Variants in OPHN1 observed in about 807,000 individuals in gnomAD.
The protein encoded by OPHN1 is oligophrenin 1.
Under a neutral mutation model 60.7 loss-of-function variants are expected in OPHN1, and 11 were observed. That is an observed-to-expected ratio of 0.18 (90% CI 0.11 to 0.30). OPHN1 has a LOEUF of 0.30. Ranked by LOEUF, OPHN1 falls within the 10% of genes least tolerant of loss-of-function variation. OPHN1 has a pLI of 1.00. For missense variants in OPHN1, 449 were observed against 611.0 expected (o/e 0.73, Z 2.80); for synonymous variants, 226 against 222.6 (o/e 1.02, Z -0.14).
At chrX:68,310,691 A>T (rs2078168747) in intron 2 of OPHN1, among the ~76,000 whole-genome samples, 1 of 111,947 alleles carries the variant, frequency 8.9e-6, no homozygotes, top group Non-Finnish European at 1.9e-5. Flanking sequence ...ATTAGAATCC[A>T]TATACCAGTC....
chrX:68,211,284 C>T (rs771332855), intron 8 of OPHN1, among the ~76,000 whole-genome samples: 1 of 112,424 alleles, frequency 8.9e-6, no homozygotes, highest in South Asian at 3.7e-4. Flanking sequence ...CAATTTAACA[C>T]CCATTCTAAA....
At chrX:68,224,464 C>T (rs1301207494) in intron 6 of OPHN1, among the ~76,000 whole-genome samples, 2 of 110,239 alleles carry the variant, frequency 1.8e-5, no homozygotes, top group African/African-American at 6.6e-5. Flanking sequence ...TTGAAACTCG[C>T]CTGGGCAACA....
chrX:68,215,886 A>G (rs993456560), intron 6 of OPHN1, among the ~76,000 whole-genome samples: 3 of 111,874 alleles, frequency 2.7e-5, no homozygotes, highest in East Asian at 2.8e-4. Context: ...GATCTCCAGT[A>G]GAAGAAAAAT....
chrX:68,138,190 G>C (rs2077228852), intron 15 of OPHN1, among the ~76,000 whole-genome samples: 1 of 112,051 alleles, frequency 8.9e-6, no homozygotes, highest in Admixed American at 9.5e-5. Context: ...CCATAGATGT[G>C]TTAAGTGGAA....
chrX:68,103,050 A>G (rs1198721151), intron 18 of OPHN1, among the ~76,000 whole-genome samples: 1 of 112,081 alleles, frequency 8.9e-6, no homozygotes. Context: ...TCCTGATACC[A>G]AAACCTGGCA....
intron 2 of OPHN1, among the ~76,000 whole-genome samples, chrX:68,376,673 C>T (rs1016954474): frequency 9.0e-6 from 1 of 111,063 alleles, no homozygotes; most frequent in East Asian, 2.9e-4. Context: ...TGAAGGCTGC[C>T]TTGGCCACCA....
chrX:68,229,338 C>T (rs1345426922), intron 6 of OPHN1, among the ~76,000 whole-genome samples: 1 of 111,773 alleles, frequency 8.9e-6, no homozygotes. Context: ...CCATACTGCT[C>T]AAGGTAATTT....
At chrX:68,390,008 C>T (rs1238802079) in intron 2 of OPHN1, among the ~76,000 whole-genome samples, 1 of 111,174 alleles carries the variant, frequency 9.0e-6, no homozygotes, top group Non-Finnish European at 1.9e-5. Flanking sequence ...GCAAACACGT[C>T]CTTCTTAACA....
At chrX:68,407,061 G>C (rs1327699937) in intron 2 of OPHN1, among the ~76,000 whole-genome samples, 1 of 111,787 alleles carries the variant, frequency 8.9e-6, no homozygotes, top group Non-Finnish European at 1.9e-5. Flanking sequence ...AAAATTAGCC[G>C]GGCGTAGTGG....
chrX:68,118,265 C>T (rs1429162998), intron 16 of OPHN1, among the ~76,000 whole-genome samples: 2 of 111,439 alleles, frequency 1.8e-5, no homozygotes, highest in Non-Finnish European at 3.8e-5. Context: ...CTAGTACACT[C>T]GGTTAATGGG....
chrX:68,378,849 C>T (rs1166232691), intron 2 of OPHN1, among the ~76,000 whole-genome samples: 2 of 111,475 alleles, frequency 1.8e-5, no homozygotes, highest in African/African-American at 3.3e-5. Context: ...TGTAGTATAG[C>T]TTGAAATCAG....
At chrX:68,136,763 A>G (rs1193902250) in intron 15 of OPHN1, among the ~76,000 whole-genome samples, 1 of 112,381 alleles carries the variant, frequency 8.9e-6, no homozygotes, top group Non-Finnish European at 1.9e-5. Context: ...AGTGCTTATT[A>G]TAAACCATGG....
intron 2 of OPHN1, among the ~76,000 whole-genome samples, chrX:68,330,986 A>G (rs1279690707): frequency 9.5e-6 from 1 of 105,453 alleles, no homozygotes; most frequent in Non-Finnish European, 1.9e-5. Flanking sequence ...TTCCATATAT[A>G]TAGACACAAA....
At chrX:68,088,890 T>C (rs996444896) in intron 19 of OPHN1, among the ~76,000 whole-genome samples, 5 of 110,834 alleles carry the variant, frequency 4.5e-5, no homozygotes, top group Middle Eastern at 4.7e-3. Context: ...CTGTCTAGTT[T>C]AAAGCTATTT....
chrX:68,192,415 G>A (rs1429673690), intron 15 of OPHN1, among the ~76,000 whole-genome samples: 2 of 107,390 alleles, frequency 1.9e-5, no homozygotes, highest in East Asian at 5.9e-4. Flanking sequence ...TGAGGATGCA[G>A]TGAGCCATGA....
chrX:68,351,968 C>T (rs2078415121), intron 2 of OPHN1, among the ~76,000 whole-genome samples: 1 of 106,057 alleles, frequency 9.4e-6, no homozygotes, highest in Non-Finnish European at 1.9e-5. Context: ...GCTCCACCTC[C>T]CGGGTTCACG....
At chrX:68,189,532 T>A (rs1248591628) in intron 15 of OPHN1, among the ~76,000 whole-genome samples, 1 of 102,247 alleles carries the variant, frequency 9.8e-6, no homozygotes, top group African/African-American at 3.6e-5. Flanking sequence ...CAGGCCCCAG[T>A]GTGTGATGTT....
At chrX:68,094,020 C>G (rs2077028731) in intron 19 of OPHN1, among the ~76,000 whole-genome samples, 1 of 110,377 alleles carries the variant, frequency 9.1e-6, no homozygotes, top group Admixed American at 9.7e-5. Flanking sequence ...TTATCTTCTA[C>G]AAGTTTTAGT....
chrX:68,390,085 T>C (rs147103306), intron 2 of OPHN1, among the ~76,000 whole-genome samples: 158 of 110,719 alleles, frequency 1.4e-3, no homozygotes, highest in African/African-American at 5.0e-3. Flanking sequence ...TCAGATCTCA[T>C]GAGAACTCAC....
Sources: gnomAD v4.1 joint callset for allele counts (sites outside exome capture counted in the v4.1 genomes callset) on GRCh38, gnomAD v4.1.1 for gene constraint, MANE v1.5 for transcripts, NCBI Gene and HGNC (gene_info 2026-07-23, HGNC 2026-07-21) for gene names.